Variants in MARK1 observed in about 807,000 individuals in gnomAD.
The protein encoded by MARK1 is serine/threonine-protein kinase MARK1.
In MARK1, 40 loss-of-function variants were observed where a neutral mutation model predicts 96.3. The ratio of observed to expected loss-of-function variants is 0.42; its 90% CI spans 0.32 to 0.54. The LOEUF (loss-of-function observed/expected upper bound fraction) is 0.54. Among genes scored for constraint, MARK1 ranks in the 20% least tolerant of loss-of-function variants. The probability of loss-of-function intolerance (pLI) is 0.16; values close to 1 mark genes in which losing one functional copy is unlikely to be tolerated. For missense variants in MARK1, 719 were observed against 984.6 expected, an observed-to-expected ratio of 0.73 and a Z score of 3.61; for synonymous variants, 317 against 341.2, an observed-to-expected ratio of 0.93 and a Z score of 0.78.
intron 9 of MARK1, among the ~76,000 whole-genome samples, chr1:220,621,177 T>G (rs150927625): frequency 6.6e-6 from 1 of 152,268 alleles, no homozygotes; most frequent in East Asian, 1.9e-4. Flanking sequence ...GTCATAAGAA[T>G]GCACTCCTTC....
intron 1 of MARK1, among the ~76,000 whole-genome samples, chr1:220,575,347 G>C (rs1018410105): frequency 6.6e-6 from 1 of 152,228 alleles, no homozygotes; most frequent in Admixed American, 6.5e-5. Flanking sequence ...TAGACATGCT[G>C]TAATTGAGCT....
At chr1:220,545,030 T>G (rs6675368) in intron 1 of MARK1, among the ~76,000 whole-genome samples, 88,585 of 152,020 alleles carry the variant, frequency 0.58, 27,287 homozygotes, top group Non-Finnish European at 0.68. Context: ...TCCAGCTGAT[T>G]AGAACACAGA....
chr1:220,543,492 C>G (rs1202466417), intron 1 of MARK1, among the ~76,000 whole-genome samples: 2 of 152,094 alleles, frequency 1.3e-5, no homozygotes, highest in Admixed American at 6.5e-5. Context: ...GGAATGCATA[C>G]TTACACATTT....
rs200063690 is a variant in MARK1, at chr1:220,653,063, C to T, written c.1737-38C>T. 55 of 1,604,724 alleles carry T rather than the reference C, an allele frequency of 3.4e-5. No homozygotes were observed. In the African/African-American group the frequency reaches 6.7e-4, roughly 20 times the overall value. On this transcript the variant is annotated intron_variant, in intron 15 of 17. Transcript: ENST00000366917. The stretch of plus-strand genomic sequence containing the variant: ...TAGCTTGAGTGAAAGGTTTTCTTGT[C>T]ATTATTCTGAATGATATATCTTAAT...
At chr1:220,637,452 A>T (rs895236141) in intron 13 of MARK1, among the ~76,000 whole-genome samples, 1 of 152,014 alleles carries the variant, frequency 6.6e-6, no homozygotes, top group African/African-American at 2.4e-5. Context: ...GGACGAGGTG[A>T]CTGGATCACT....
intron 16 of MARK1, among the ~76,000 whole-genome samples, chr1:220,655,580 T>C (rs1453177892): frequency 6.6e-6 from 1 of 152,176 alleles, no homozygotes; most frequent in Non-Finnish European, 1.5e-5. Context: ...TCAGATCCAT[T>C]GGCAATTTGT....
chr1:220,534,934 ATT>A (rs1294199029), intron 1 of MARK1, among the ~76,000 whole-genome samples: 1 of 152,078 alleles, frequency 6.6e-6, no homozygotes, highest in African/African-American at 2.4e-5. Flanking sequence ...GCGGGTGGAC[ATT>A]TGGGTTGCTT....
intron 6 of MARK1, among the ~76,000 whole-genome samples, chr1:220,604,580 G>C (rs1368090854): frequency 6.6e-6 from 1 of 151,754 alleles, no homozygotes. Context: ...CATTTTTGTA[G>C]ATTTAAAGAA....
rs918401725 is a variant in MARK1 at position 220,662,370 on chromosome 1, G to C, written c.*204G>C. The C allele has an allele frequency of 2.8e-5, 15 of 542,864 alleles. No homozygotes were observed. The highest frequency in any genetic ancestry group is 4.6e-5 in the Non-Finnish European group (14 of 305,564). The allele number at this position is 542,864 out of a possible 1,614,324, so 33.6% of individuals were successfully genotyped here. A position where few individuals can be genotyped will look rare whatever the true frequency, so the allele number is the denominator to read the frequency against. ...TAAATATCTGTAGCTTAAAAAGTAGGTTCACATGTACAGGTAAGTATATTG... is the reference window on the plus strand; with the variant it reads ...TAAATATCTGTAGCTTAAAAAGTAGCTTCACATGTACAGGTAAGTATATTG... On this transcript the variant is annotated 3_prime_UTR_variant, in exon 18 of 18. Transcript: ENST00000366917.
chr1:220,611,766 T>C (rs1666458119), intron 6 of MARK1, among the ~76,000 whole-genome samples: 1 of 152,188 alleles, frequency 6.6e-6, no homozygotes, highest in South Asian at 2.1e-4. Flanking sequence ...AGAGTCTTGC[T>C]CTGTCACCCA....
At chr1:220,554,895 A>G (rs527741567) in intron 1 of MARK1, among the ~76,000 whole-genome samples, 3 of 152,338 alleles carry the variant, frequency 2.0e-5, no homozygotes, top group South Asian at 4.1e-4. Context: ...CTAAACCTAC[A>G]GTTCCCCCAG....
At chr1:220,540,750 A>AT (rs1470544514) in intron 1 of MARK1, among the ~76,000 whole-genome samples, 2 of 151,726 alleles carry the variant, frequency 1.3e-5, no homozygotes, top group Non-Finnish European at 2.9e-5. Flanking sequence ...GGTTTGTCAA[A>AT]TTTGTTGATC....
intron 1 of MARK1, among the ~76,000 whole-genome samples, chr1:220,569,732 T>C (rs555868876): frequency 1.1e-4 from 16 of 152,250 alleles, no homozygotes; most frequent in African/African-American, 3.8e-4. Context: ...ATCTATTCCT[T>C]AGACAAAGGT....
chr1:220,619,218 T>C (rs545178758), intron 9 of MARK1, among the ~76,000 whole-genome samples: 44 of 152,354 alleles, frequency 2.9e-4, no homozygotes, highest in African/African-American at 9.9e-4. Context: ...CTCACGCCTG[T>C]AATCCCAGCA....
At chr1:220,651,877 G>T in intron 14 of MARK1, 109 bp from the exon 15 acceptor site, 1 of 726,410 alleles carries the variant, frequency 1.4e-6, no homozygotes, top group Non-Finnish European at 2.2e-6. Context: ...TTTCAGTCAT[G>T]AAAGGTGTTA....
At chr1:220,625,943 G>A in intron 9 of MARK1, 1 of 545,112 alleles carries the variant, frequency 1.8e-6, no homozygotes, top group Non-Finnish European at 3.7e-6. Context: ...AAGTACCACA[G>A]GGATGACTAC....
chr1:220,649,869 T>C (rs1668778469), intron 13 of MARK1, among the ~76,000 whole-genome samples: 1 of 152,234 alleles, frequency 6.6e-6, no homozygotes, highest in Non-Finnish European at 1.5e-5. Context: ...TATATCCACA[T>C]TGAAAATCAT....
chr1:220,657,094 C>A (rs755827647), intron 16 of MARK1, among the ~76,000 whole-genome samples: 3 of 152,032 alleles, frequency 2.0e-5, no homozygotes, highest in Non-Finnish European at 4.4e-5. Flanking sequence ...TATTTAATTA[C>A]CTTTAAAAAT....
chr1:220,607,526 G>A (rs1236813150), intron 6 of MARK1, among the ~76,000 whole-genome samples: 1 of 150,070 alleles, frequency 6.7e-6, no homozygotes, highest in South Asian at 2.1e-4. Flanking sequence ...TTTTTTTCTT[G>A]CCTGATTGCC....
Sources: allele counts gnomAD v4.1 joint callset (sites outside exome capture counted in the v4.1 genomes callset), GRCh38; gene constraint gnomAD v4.1.1; transcripts MANE v1.5; gene names NCBI Gene and HGNC (gene_info 2026-07-23, HGNC 2026-07-21).